Variants in PARD3B observed in about 807,000 individuals in gnomAD.
PARD3B encodes the protein partitioning defective 3 homolog B.
In PARD3B, 103 loss-of-function variants were observed where a neutral mutation model predicts 130.2. The ratio of observed to expected loss-of-function variants is 0.79; its 90% confidence interval spans 0.67 to 0.93. PARD3B has a LOEUF of 0.93. Ranked by LOEUF, PARD3B falls within the 40% of genes least tolerant of loss-of-function variation. The pLI is 0.00. For missense variants in PARD3B, 1,609 were observed against 1,499.2 expected, an observed-to-expected ratio of 1.07 and a Z score of -1.21; for synonymous variants, 583 against 553.2, an observed-to-expected ratio of 1.05 and a Z score of -0.76.
At chr2:205,576,935 T>A (rs768465763) in intron 22 of PARD3B, among the ~76,000 whole-genome samples, 10 of 152,216 alleles carry the variant, frequency 6.6e-5, no homozygotes, top group Non-Finnish European at 1.5e-5. Context: ...ACATGGAATG[T>A]CTCTCCATTT....
At chr2:205,181,212 G>A (rs1362939184) in intron 13 of PARD3B, among the ~76,000 whole-genome samples, 1 of 152,032 alleles carries the variant, frequency 6.6e-6, no homozygotes, top group Non-Finnish European at 1.5e-5. Context: ...CGTATTCCCT[G>A]GGGTCCTCTG....
intron 18 of PARD3B, among the ~76,000 whole-genome samples, chr2:205,377,097 T>TA (rs2045087685): frequency 6.6e-6 from 1 of 152,174 alleles, no homozygotes; most frequent in Non-Finnish European, 1.5e-5. Context: ...TTATTAGAGT[T>TA]AGCTGGGAGA....
intron 2 of PARD3B, among the ~76,000 whole-genome samples, chr2:204,716,463 G>A (rs1363931581): frequency 2.0e-5 from 3 of 151,990 alleles, no homozygotes; most frequent in East Asian, 1.9e-4. Context: ...ATTTTAATCC[G>A]TTAGACAAGG....
intron 2 of PARD3B, among the ~76,000 whole-genome samples, chr2:204,817,014 A>G (rs1455351756): frequency 6.6e-6 from 1 of 152,052 alleles, no homozygotes; most frequent in Non-Finnish European, 1.5e-5. Flanking sequence ...CCTGCTGTTC[A>G]TTCCACCCAG....
rs997624026 is a variant in PARD3B, at chr2:205,016,191, G to A, written c.395-31390G>A. 2.6e-5 allele frequency among the ~76,000 whole-genome samples: 4 copies of A among 152,236 alleles called. No homozygotes were observed. The South Asian group carries it at 8.3e-4, about 32-fold the overall frequency. ...AGGCAAATATAAAATATAAATGTAG[G>A]ATTTAAAGTATTCTCTAAGTCAGAT... is the stretch of plus-strand genomic sequence containing the variant. On this transcript the variant is annotated intron_variant, in intron 3 of 22. Coordinates refer to ENST00000406610, the MANE Select transcript of PARD3B (RefSeq NM_001302769.2).
At chr2:205,197,359 A>G (rs937531587) in intron 15 of PARD3B, among the ~76,000 whole-genome samples, 1 of 152,128 alleles carries the variant, frequency 6.6e-6, no homozygotes, top group Non-Finnish European at 1.5e-5. Flanking sequence ...TTCTTTTTCA[A>G]TGACTCTAAA....
At chr2:204,992,552 G>A (rs1290066487) in intron 3 of PARD3B, among the ~76,000 whole-genome samples, 1 of 146,064 alleles carries the variant, frequency 6.8e-6, no homozygotes, top group African/African-American at 2.5e-5. Context: ...GATTGCCTTG[G>A]CGATGCGGGC....
At chr2:205,039,712 C>T (rs1206271017) in intron 3 of PARD3B, among the ~76,000 whole-genome samples, 3 of 151,970 alleles carry the variant, frequency 2.0e-5, no homozygotes, top group African/African-American at 4.8e-5. Flanking sequence ...TCAGGTGATC[C>T]GCCTGCCTTG....
chr2:205,248,418 G>GGCAGCA (rs1370703012), intron 16 of PARD3B, among the ~76,000 whole-genome samples: 4 of 150,668 alleles, frequency 2.7e-5, no homozygotes, highest in South Asian at 4.2e-4. Context: ...TGGTGGTGGC[G>GGCAGCA]GCAGCAGCAG....
At chr2:205,149,901 A>C (rs1392343776) in intron 10 of PARD3B, among the ~76,000 whole-genome samples, 1 of 152,224 alleles carries the variant, frequency 6.6e-6, no homozygotes, top group Non-Finnish European at 1.5e-5. Flanking sequence ...TCTGGTGGGT[A>C]GTAGCCAAGG....
intron 2 of PARD3B, among the ~76,000 whole-genome samples, chr2:204,838,871 A>G (rs1172801774): frequency 6.6e-6 from 1 of 152,198 alleles, no homozygotes; most frequent in African/African-American, 2.4e-5. Context: ...TAAAAATTTA[A>G]AAAAACAACA....
intron 2 of PARD3B, among the ~76,000 whole-genome samples, chr2:204,841,657 AG>A (rs1427497995): frequency 6.6e-6 from 1 of 152,072 alleles, no homozygotes; most frequent in African/African-American, 2.4e-5. Flanking sequence ...TTTTGCGATG[AG>A]GGCAAATTTT....
intron 1 of PARD3B, among the ~76,000 whole-genome samples, chr2:204,598,967 T>G (rs551097260): frequency 3.3e-5 from 5 of 152,172 alleles, no homozygotes; most frequent in Admixed American, 2.6e-4. Flanking sequence ...TTTTTCCCAT[T>G]TAAAAGACAT....
chr2:205,232,185 C>T (rs763942119), intron 15 of PARD3B, among the ~76,000 whole-genome samples: 2 of 152,192 alleles, frequency 1.3e-5, no homozygotes, highest in Non-Finnish European at 2.9e-5. Context: ...CACAGTGGCT[C>T]ATGCCTGTAA....
intron 3 of PARD3B, among the ~76,000 whole-genome samples, chr2:204,983,689 T>C (rs1692882104): frequency 6.6e-6 from 1 of 152,174 alleles, no homozygotes. Context: ...GAAATTCCCA[T>C]GTGAAAGATG....
intron 15 of PARD3B, among the ~76,000 whole-genome samples, chr2:205,197,031 G>GT (rs879490378): frequency 0.11 from 4,873 of 46,082 alleles, 76 homozygotes; most frequent in Non-Finnish European, 0.12. Context: ...TGTGGGGGGG[G>GT]GGTGTGTGTG....
intron 1 of PARD3B, among the ~76,000 whole-genome samples, chr2:204,592,253 C>T (rs1443541350): frequency 6.6e-6 from 1 of 152,238 alleles, no homozygotes; most frequent in African/African-American, 2.4e-5. Context: ...AGGTGGCTGT[C>T]ATTTTCCATG....
chr2:205,058,456 A>G (rs987383299), intron 4 of PARD3B, among the ~76,000 whole-genome samples: 2 of 151,940 alleles, frequency 1.3e-5, no homozygotes, highest in African/African-American at 2.4e-5. Context: ...GGAGATGTCC[A>G]GAAGTAGAAT....
In PARD3B at chr2:204,735,982, C is replaced by T. The variant is rs902772060; in HGVS notation, c.222+49700C>T. Among the ~76,000 whole-genome samples the T allele has an allele frequency of 3.9e-5, 6 of 152,200 alleles. 1 individual carries two copies. The South Asian group carries it at 1.2e-3, about 32-fold the overall frequency. On this transcript the variant is annotated intron_variant, in intron 2 of 22. Transcript: ENST00000406610. The stretch of plus-strand genomic sequence containing the variant: ...GACAAAAAGCTGAAATATAAATATA[C>T]CCTTCTCTGGGAAAGATAGCTCTGA...
Sources: allele counts gnomAD v4.1 joint callset (sites outside exome capture counted in the v4.1 genomes callset), GRCh38; gene constraint gnomAD v4.1.1; transcripts MANE v1.5; gene names NCBI Gene and HGNC (gene_info 2026-07-23, HGNC 2026-07-21).